GLRA3: variants seen among roughly 807,000 people sequenced by gnomAD.
GLRA3 encodes glycine receptor alpha 3, also known as glycine receptor subunit alpha-3.
A neutral mutation model predicts 60.4 loss-of-function variants in GLRA3; 44 were observed. The observed-to-expected ratio is 0.73, with a 90% CI of 0.57 to 0.94. GLRA3 has a LOEUF of 0.94. GLRA3 is among the 40% of genes least tolerant of loss of function. The pLI, the probability that GLRA3 is intolerant of heterozygous loss-of-function variation, is 0.00. For synonymous variants in GLRA3, 223 were observed against 192.9 expected, an observed-to-expected ratio of 1.16 and a Z score of -1.29; for missense variants, 508 against 564.6, an observed-to-expected ratio of 0.90 and a Z score of 1.02.
At chr4:174,692,851 C>T (rs950426808) in intron 5 of GLRA3, among the ~76,000 whole-genome samples, 1 of 151,748 alleles carries the variant, frequency 6.6e-6, no homozygotes, top group Non-Finnish European at 1.5e-5. Flanking sequence ...CCTTTGTTCA[C>T]TTGTTTATCT....
chr4:174,705,681 G>A (rs925895756), intron 5 of GLRA3, among the ~76,000 whole-genome samples: 6 of 99,302 alleles, frequency 6.0e-5, no homozygotes, highest in African/African-American at 1.8e-4. Flanking sequence ...GCTACAAGTG[G>A]GCTATATTAA....
chr4:174,694,323 AC>A (rs1359061883), intron 5 of GLRA3, among the ~76,000 whole-genome samples: 1 of 152,150 alleles, frequency 6.6e-6, no homozygotes, highest in East Asian at 1.9e-4. Flanking sequence ...CCTAAAATTG[AC>A]CATGTAAGTG....
chr4:174,731,106 C>A lies in GLRA3; in HGVS notation c.268-2408G>T, dbSNP rs114587282. ...AGGGTTCAAAGCAAAACAAAAATAA[C>A]CATGTCCTGAAAACCTTAGAAACTA... On this transcript the variant is annotated intron_variant, in intron 3 of 9. Coordinates refer to ENST00000274093, the MANE Select transcript of GLRA3 (RefSeq NM_006529.4). Among the ~76,000 whole-genome samples the A allele has an allele frequency of 6.8e-3, 1,030 of 152,208 alleles. 13 individuals are homozygous for A. Among genetic ancestry groups the A allele is most frequent in the African/African-American group, 0.024 (998 of 41,522 alleles).
intron 6 of GLRA3, 45 bp downstream of exon 6, chr4:174,682,757 T>C: frequency 7.0e-7 from 1 of 1,424,620 alleles, no homozygotes; most frequent in Non-Finnish European, 9.7e-7. Flanking sequence ...CTGGATATCA[T>C]AAAACCACAA....
intron 3 of GLRA3, among the ~76,000 whole-genome samples, chr4:174,755,478 C>T (rs1225771501): frequency 6.6e-6 from 1 of 151,986 alleles, no homozygotes; most frequent in Non-Finnish European, 1.5e-5. Flanking sequence ...AAAGGCAATT[C>T]CAACAAAGCC....
chr4:174,652,074 A>G (rs1274113472), intron 9 of GLRA3, among the ~76,000 whole-genome samples: 1 of 152,050 alleles, frequency 6.6e-6, no homozygotes, highest in Non-Finnish European at 1.5e-5. Flanking sequence ...CTTTTCTATC[A>G]GCTTATTATT....
intron 8 of GLRA3, 55 bp downstream of exon 8, chr4:174,658,999 T>C: frequency 6.8e-7 from 1 of 1,466,972 alleles, no homozygotes; most frequent in Non-Finnish European, 9.5e-7. Context: ...ATACAACAAA[T>C]TCACTTTCGA....
chr4:174,733,231 T>C (rs936173644), intron 3 of GLRA3, among the ~76,000 whole-genome samples: 5 of 152,130 alleles, frequency 3.3e-5, no homozygotes, highest in African/African-American at 1.2e-4. Flanking sequence ...GATTTTCTCC[T>C]AGAGCCTCCA....
At chr4:174,756,667 C>CA (rs1443152475) in intron 3 of GLRA3, among the ~76,000 whole-genome samples, 2 of 128,458 alleles carry the variant, frequency 1.6e-5, no homozygotes, top group Non-Finnish European at 3.2e-5. Flanking sequence ...TTTTTTGAGA[C>CA]AGAGTCTCGC....
intron 5 of GLRA3, among the ~76,000 whole-genome samples, chr4:174,702,993 C>T (rs955307336): frequency 6.6e-6 from 1 of 152,130 alleles, no homozygotes; most frequent in Non-Finnish European, 1.5e-5. Flanking sequence ...CCCTTACTCA[C>T]GCCCAGTGCT....
chr4:174,729,101 C>T (rs531156357), intron 3 of GLRA3, among the ~76,000 whole-genome samples: 2 of 152,278 alleles, frequency 1.3e-5, no homozygotes, highest in Non-Finnish European at 2.9e-5. Flanking sequence ...TCTTCAGTGA[C>T]CTATATGCCT....
At chr4:174,800,853 TTTG>T (rs764669585) in intron 1 of GLRA3, among the ~76,000 whole-genome samples, 3 of 152,012 alleles carry the variant, frequency 2.0e-5, no homozygotes, top group Non-Finnish European at 2.9e-5. Context: ...CTGCCATTTG[TTTG>T]TTGTTGTTGT....
At chr4:174,660,068 A>G (rs771168454) in intron 7 of GLRA3, among the ~76,000 whole-genome samples, 4 of 151,808 alleles carry the variant, frequency 2.6e-5, no homozygotes, top group Non-Finnish European at 5.9e-5. Flanking sequence ...GTATATATAT[A>G]TACACATATA....
In GLRA3 at chr4:174,745,856, C is replaced by T. The variant is rs114817495; in HGVS notation, c.268-17158G>A. 2.5e-3 allele frequency among the ~76,000 whole-genome samples: 379 copies of T among 151,292 alleles called. 1 individual carries two copies. The highest frequency in any genetic ancestry group is 8.4e-3 in the African/African-American group (348 of 41,326). On this transcript the variant is annotated intron_variant, in intron 3 of 9. Coordinates refer to ENST00000274093, the MANE Select transcript of GLRA3 (RefSeq NM_006529.4). ...GCAAAAAACATGAGTATACATTTCT[C>T]GAAAGAAGACACAGAAGTGGCCAAC...
At chr4:174,802,359 C>T (rs1326716588) in intron 1 of GLRA3, among the ~76,000 whole-genome samples, 2 of 152,126 alleles carry the variant, frequency 1.3e-5, no homozygotes, top group African/African-American at 4.8e-5. Context: ...CATCAGTTCT[C>T]CCAGATAGTA....
intron 3 of GLRA3, among the ~76,000 whole-genome samples, chr4:174,742,188 T>C (rs1254561479): frequency 6.6e-6 from 1 of 152,168 alleles, no homozygotes; most frequent in African/African-American, 2.4e-5. Flanking sequence ...AAATTGAATC[T>C]GTAGTTCAAT....
At chr4:174,725,077 T>C (rs1360527967) in intron 4 of GLRA3, among the ~76,000 whole-genome samples, 1 of 152,236 alleles carries the variant, frequency 6.6e-6, no homozygotes, top group African/African-American at 2.4e-5. Context: ...CAGCCATTGT[T>C]TTCTCTAGTT....
rs180901537 is a variant in GLRA3, at chr4:174,686,745, G to C, written c.575-3806C>G. Among the ~76,000 whole-genome samples, 19 of 152,226 alleles carry C rather than the reference G, an allele frequency of 1.2e-4. No homozygotes were observed. In the East Asian group the frequency reaches 3.5e-3, roughly 28 times the overall value. ...GCTTCATATAAAGTATGCAAAAGAA[G>C]GTGAGGCACTTCAGGCTCAAGAAGC... On this transcript the variant is annotated intron_variant, in intron 5 of 9. Transcript: ENST00000274093.
chr4:174,738,448 G>C (rs75238041), intron 3 of GLRA3, among the ~76,000 whole-genome samples: 22,654 of 152,204 alleles, frequency 0.15, 2,118 homozygotes, highest in African/African-American at 0.27. Flanking sequence ...ACAGGCAAAA[G>C]ATAGGTTGCA....
Sources: allele counts gnomAD v4.1 joint callset (sites outside exome capture counted in the v4.1 genomes callset), GRCh38; gene constraint gnomAD v4.1.1; transcripts MANE v1.5; gene names NCBI Gene and HGNC (gene_info 2026-07-23, HGNC 2026-07-21).